ATRN: variants seen among roughly 807,000 people sequenced by gnomAD.
The protein encoded by ATRN is attractin, also known as attractin-2.
In ATRN, 54 loss-of-function variants were observed where a neutral mutation model predicts 178.7. The ratio of observed to expected loss-of-function variants is 0.30; its 90% CI spans 0.24 to 0.38. The LOEUF (loss-of-function observed/expected upper bound fraction) is 0.38, where lower values mean the gene tolerates loss of function less well. Ranked by LOEUF, ATRN falls within the 10% of genes least tolerant of loss-of-function variation. ATRN has a pLI of 1.00. For missense variants in ATRN, 1,443 were observed against 1,815.1 expected (o/e 0.79, Z 3.73); for synonymous variants, 636 against 663.0 (o/e 0.96, Z 0.63).
In ATRN at chr20:3,505,479, C is replaced by T. The variant is rs566645912; in HGVS notation, c.411-29774C>T. Among the ~76,000 whole-genome samples the T allele has an allele frequency of 2.4e-4, 36 of 152,302 alleles. No homozygotes were observed. In the South Asian group the frequency reaches 5.2e-3, roughly 22 times the overall value. On this transcript the variant is annotated intron_variant, in intron 1 of 28. Coordinates refer to ENST00000262919, the MANE Select transcript of ATRN (RefSeq NM_139321.3). Reference sequence around the variant, plus strand: ...TTCTCAGCTCCTGTAATTGTGTGAGCCAATTTCCTTAATAAATCCTCTCCC... The same window carrying T: ...TTCTCAGCTCCTGTAATTGTGTGAGTCAATTTCCTTAATAAATCCTCTCCC...
chr20:3,486,286 C>T (rs1364876041), intron 1 of ATRN, among the ~76,000 whole-genome samples: 1 of 152,132 alleles, frequency 6.6e-6, no homozygotes, highest in East Asian at 1.9e-4. Context: ...TTACCACTGC[C>T]CCATTCCCAT....
At chr20:3,544,880 G>A (rs541363511) in intron 3 of ATRN, among the ~76,000 whole-genome samples, 1 of 149,326 alleles carries the variant, frequency 6.7e-6, no homozygotes, top group Non-Finnish European at 1.5e-5. Flanking sequence ...TCCGTCATGT[G>A]CTGGGTTGTG....
chr20:3,543,772 C>A (rs150754118), intron 3 of ATRN, among the ~76,000 whole-genome samples: 1 of 151,744 alleles, frequency 6.6e-6, no homozygotes, highest in Non-Finnish European at 1.5e-5. Context: ...GTGGCTCAGG[C>A]CTGTAACCCC....
chr20:3,604,373 C>T (rs565543966), intron 24 of ATRN, 111 bp downstream of exon 24: 2 of 1,284,348 alleles, frequency 1.6e-6, no homozygotes, highest in East Asian at 4.8e-5. Context: ...TGTGGCTTTG[C>T]CTTTGTAACG....
chr20:3,637,789 G>A (rs2087037007), intron 26 of ATRN, among the ~76,000 whole-genome samples: 1 of 152,152 alleles, frequency 6.6e-6, no homozygotes, highest in Non-Finnish European at 1.5e-5. Flanking sequence ...CCTTTCTTAA[G>A]GTCACACAGC....
At chr20:3,599,472 T>C (rs926396956) in intron 22 of ATRN, among the ~76,000 whole-genome samples, 3 of 152,230 alleles carry the variant, frequency 2.0e-5, no homozygotes, top group African/African-American at 7.2e-5. Flanking sequence ...AATGCATATG[T>C]TCTGTCCTCT....
chr20:3,512,108 T>TATATATATATATATATA (rs1491340714), intron 1 of ATRN, among the ~76,000 whole-genome samples: 37 of 100,726 alleles, frequency 3.7e-4, no homozygotes, highest in Middle Eastern at 5.4e-3. Context: ...TATATATATA[T>TATATATATATATATATA]TTTTTTTTTT....
chr20:3,610,887 C>T (rs1201442556), intron 24 of ATRN, among the ~76,000 whole-genome samples: 3 of 151,522 alleles, frequency 2.0e-5, no homozygotes, highest in African/African-American at 7.3e-5. Flanking sequence ...TGAGCCGTTG[C>T]GCCCAGCCCC....
chr20:3,592,558 A>G, intron 19 of ATRN: 1 of 829,086 alleles, frequency 1.2e-6, no homozygotes, highest in East Asian at 1.2e-4. Context: ...CAAAAAACAT[A>G]ATGAGTACTA....
intron 18 of ATRN, among the ~76,000 whole-genome samples, chr20:3,589,219 C>T (rs1332243082): frequency 6.6e-6 from 1 of 151,920 alleles, no homozygotes; most frequent in Admixed American, 6.6e-5. Context: ...AGGATGGTCT[C>T]GATCTCCTGA....
At chr20:3,629,900 T>C (rs2086976805) in intron 25 of ATRN, among the ~76,000 whole-genome samples, 1 of 152,108 alleles carries the variant, frequency 6.6e-6, no homozygotes, top group Non-Finnish European at 1.5e-5. Context: ...CACGTGGATA[T>C]ATTCACTATC....
In ATRN at chr20:3,547,737, T is replaced by C. The variant is rs151266040; in HGVS notation, c.943+248T>C. On this transcript the variant is annotated intron_variant, in intron 5 of 28. Transcript: ENST00000262919. ...ATCCTGTGTGTGAAAGTTGGAGAACTTGGACTCAGTCATAAAAGGATGTAG... is the reference window on the plus strand; with the variant it reads ...ATCCTGTGTGTGAAAGTTGGAGAACCTGGACTCAGTCATAAAAGGATGTAG... Among the ~76,000 whole-genome samples the C allele has an allele frequency of 5.1e-3, 775 of 152,266 alleles. 18 individuals carry two copies. Among genetic ancestry groups the C allele is most frequent in the Admixed American group, 0.048 (735 of 15,286 alleles).
intron 18 of ATRN, among the ~76,000 whole-genome samples, chr20:3,585,787 A>G (rs749428052): frequency 6.6e-5 from 10 of 152,356 alleles, no homozygotes; most frequent in Non-Finnish European, 1.3e-4. Context: ...AAGGATTTAA[A>G]TAGACATATG....
intron 1 of ATRN, among the ~76,000 whole-genome samples, chr20:3,496,553 G>A (rs1477331985): frequency 6.6e-6 from 1 of 152,078 alleles, no homozygotes; most frequent in African/African-American, 2.4e-5. Flanking sequence ...TACATTTGCT[G>A]AGGAGAGCTT....
intron 18 of ATRN, among the ~76,000 whole-genome samples, chr20:3,586,014 G>A (rs1276925413): frequency 6.6e-6 from 1 of 152,106 alleles, no homozygotes; most frequent in Non-Finnish European, 1.5e-5. Context: ...GTTAAATATA[G>A]AGTTATCATA....
At chr20:3,512,085 T>TTATATA (rs1212714416) in intron 1 of ATRN, among the ~76,000 whole-genome samples, 4 of 119,786 alleles carry the variant, frequency 3.3e-5, no homozygotes, top group South Asian at 2.5e-4. Context: ...CTTTTTTCTT[T>TTATATA]TATATATATA....
At chr20:3,596,595 G>A (rs2086532210) in intron 21 of ATRN, among the ~76,000 whole-genome samples, 166 bp downstream of exon 21, 2 of 152,182 alleles carry the variant, frequency 1.3e-5, no homozygotes, top group Non-Finnish European at 2.9e-5. Context: ...ACATATAGGA[G>A]CACTGTTTTA....
chr20:3,593,742 A>G (rs1249343492), intron 19 of ATRN, among the ~76,000 whole-genome samples: 3 of 152,210 alleles, frequency 2.0e-5, no homozygotes, highest in African/African-American at 7.2e-5. Context: ...CTCCAGCTGA[A>G]TGCCTTTCAT....
At chr20:3,506,127 T>G (rs1162403164) in intron 1 of ATRN, among the ~76,000 whole-genome samples, 2 of 152,126 alleles carry the variant, frequency 1.3e-5, no homozygotes, top group Admixed American at 1.3e-4. Context: ...GAAACCTGAA[T>G]GCAGTTGACT....
Sources: allele counts gnomAD v4.1 joint callset (sites outside exome capture counted in the v4.1 genomes callset), GRCh38; gene constraint gnomAD v4.1.1; transcripts MANE v1.5; gene names NCBI Gene and HGNC (gene_info 2026-07-23, HGNC 2026-07-21).